Variants in CADM2 observed in about 807,000 individuals in gnomAD.
The protein encoded by CADM2 is cell adhesion molecule 2.
Under a neutral mutation model 49.8 loss-of-function variants are expected in CADM2, and 12 were observed. The observed-to-expected ratio is 0.24, with a 90% CI of 0.15 to 0.39. The LOEUF (loss-of-function observed/expected upper bound fraction) is 0.39. Among genes scored for constraint, CADM2 ranks in the 10% least tolerant of loss-of-function variants. The pLI is 1.00. For missense variants in CADM2, 378 were observed against 492.3 expected, an observed-to-expected ratio of 0.77 and a Z score of 2.20; for synonymous variants, 214 against 175.4, an observed-to-expected ratio of 1.22 and a Z score of -1.74.
intron 2 of CADM2, among the ~76,000 whole-genome samples, chr3:85,731,093 T>G (rs2107795588): frequency 6.6e-6 from 1 of 152,240 alleles, no homozygotes; most frequent in African/African-American, 2.4e-5. Context: ...TATTATCACA[T>G]AAATGATTTA....
At chr3:85,317,550 C>G (rs2044498978) in intron 1 of CADM2, among the ~76,000 whole-genome samples, 1 of 152,178 alleles carries the variant, frequency 6.6e-6, no homozygotes, top group Admixed American at 6.5e-5. Context: ...AAGGCATCAG[C>G]TTCCAAGTCT....
At chr3:85,304,032 A>C (rs1468647936) in intron 1 of CADM2, among the ~76,000 whole-genome samples, 1 of 151,880 alleles carries the variant, frequency 6.6e-6, no homozygotes. Flanking sequence ...AAAATGGGCT[A>C]TTGTATTTCA....
At chr3:85,644,411 A>G (rs767287060) in intron 1 of CADM2, among the ~76,000 whole-genome samples, 34 of 152,170 alleles carry the variant, frequency 2.2e-4, no homozygotes, top group Non-Finnish European at 4.0e-4. Flanking sequence ...GGGCTTCAGC[A>G]TATGAATAGT....
rs554454458 is a variant in CADM2 at position 85,982,490 on chromosome 3, G to GA, written c.970+20850dup. Among the ~76,000 whole-genome samples the GA allele has an allele frequency of 3.8e-3, 569 of 151,380 alleles. 2 individuals are homozygous for GA. The highest frequency in any genetic ancestry group is 6.8e-3 in the Middle Eastern group (2 of 294). On this transcript the variant is annotated intron_variant, in intron 8 of 9. Coordinates refer to ENST00000383699, the MANE Select transcript of CADM2 (RefSeq NM_001167675.2). ...GAAGTTCATATTATCTATTTTAAAA[G>GA]AAAAAAATAGTAGCATTGAATTTTA...
At chr3:86,050,280 G>A (rs1340397130) in intron 8 of CADM2, among the ~76,000 whole-genome samples, 1 of 152,156 alleles carries the variant, frequency 6.6e-6, no homozygotes, top group Non-Finnish European at 1.5e-5. Flanking sequence ...CACATCCAGG[G>A]CACACTGGTT....
intron 1 of CADM2, among the ~76,000 whole-genome samples, chr3:85,670,014 C>T (rs1425625744): frequency 4.6e-5 from 7 of 152,084 alleles, no homozygotes; most frequent in Non-Finnish European, 1.0e-4. Context: ...AACTCAATTT[C>T]TCCCCCTGGG....
At chr3:85,927,508 T>C (rs1720029494) in intron 6 of CADM2, among the ~76,000 whole-genome samples, 1 of 152,196 alleles carries the variant, frequency 6.6e-6, no homozygotes, top group East Asian at 1.9e-4. Flanking sequence ...CTTCTTTGTG[T>C]GTCTTAGGAA....
chr3:85,961,082 T>G (rs116663379), intron 7 of CADM2, among the ~76,000 whole-genome samples: 6,053 of 147,564 alleles, frequency 0.041, 413 homozygotes, highest in African/African-American at 0.14. Flanking sequence ...TAAATATAAA[T>G]ATTTATATTT....
At chr3:85,156,665 AAT>A (rs894757018) in intron 1 of CADM2, among the ~76,000 whole-genome samples, 1 of 152,196 alleles carries the variant, frequency 6.6e-6, no homozygotes, top group Admixed American at 6.5e-5. Context: ...CTCTCAATAA[AAT>A]AGGTATTGAT....
chr3:85,446,988 TTGCATATATATATATATATATATATATA>T (rs998091487), intron 1 of CADM2, among the ~76,000 whole-genome samples: 3 of 68,562 alleles, frequency 4.4e-5, no homozygotes, highest in African/African-American at 1.7e-4. Context: ...CTAATATGTA[TTGCATATATATATATATATATATATATA>T]TATATATATA....
chr3:85,841,967 A>G (rs1026952262), intron 3 of CADM2, among the ~76,000 whole-genome samples: 1 of 152,080 alleles, frequency 6.6e-6, no homozygotes, highest in Non-Finnish European at 1.5e-5. Flanking sequence ...TCTTGTAACT[A>G]ATTTTAATGT....
intron 1 of CADM2, among the ~76,000 whole-genome samples, chr3:85,330,488 C>T (rs2044886413): frequency 6.6e-6 from 1 of 152,146 alleles, no homozygotes; most frequent in Non-Finnish European, 1.5e-5. Flanking sequence ...AACACTGACA[C>T]CACTGCTACA....
At chr3:85,618,909 T>G (rs2063882368) in intron 1 of CADM2, among the ~76,000 whole-genome samples, 1 of 151,904 alleles carries the variant, frequency 6.6e-6, no homozygotes, top group Non-Finnish European at 1.5e-5. Flanking sequence ...GGCATAGTTG[T>G]GGGTGCGTGT....
chr3:85,992,104 T>A (rs1728844490), intron 8 of CADM2: 2 of 151,834 alleles, frequency 1.3e-5, no homozygotes, highest in Admixed American at 6.6e-5. Context: ...CACAGAAAAA[T>A]TAGCTTTTAA....
intron 3 of CADM2, among the ~76,000 whole-genome samples, chr3:85,879,642 A>G (rs1238991712): frequency 1.3e-5 from 2 of 152,268 alleles, no homozygotes; most frequent in Admixed American, 6.5e-5. Context: ...TCCCTACTCC[A>G]TCAAATGTGC....
intron 1 of CADM2, among the ~76,000 whole-genome samples, chr3:85,355,007 G>C (rs2107254877): frequency 6.6e-6 from 1 of 152,224 alleles, no homozygotes; most frequent in Non-Finnish European, 1.5e-5. Flanking sequence ...CCATGCTAAT[G>C]TCAAGCTTGG....
chr3:85,062,523 A>G (rs2107448436), intron 1 of CADM2, among the ~76,000 whole-genome samples: 1 of 152,076 alleles, frequency 6.6e-6, no homozygotes, highest in African/African-American at 2.4e-5. Context: ...TAAAAACCAA[A>G]TAATAATTTC....
chr3:85,172,824 TTATA>T (rs1206028772), intron 1 of CADM2, among the ~76,000 whole-genome samples: 1 of 147,308 alleles, frequency 6.8e-6, no homozygotes, highest in Non-Finnish European at 1.5e-5. Flanking sequence ...ACTATGCAGA[TTATA>T]TATAATATAT....
intron 1 of CADM2, among the ~76,000 whole-genome samples, chr3:85,647,551 T>G (rs188741522): frequency 2.7e-4 from 41 of 151,914 alleles, no homozygotes; most frequent in African/African-American, 8.4e-4. Flanking sequence ...GAAATTTTTT[T>G]GCATAGAGAG....
Sources: allele counts gnomAD v4.1 joint callset (sites outside exome capture counted in the v4.1 genomes callset), GRCh38; gene constraint gnomAD v4.1.1; transcripts MANE v1.5; gene names NCBI Gene and HGNC (gene_info 2026-07-23, HGNC 2026-07-21).